The following PTGER2 variants were observed in gnomAD, a reference collection of about 807,000 sequenced individuals.
The protein encoded by PTGER2 is prostaglandin E2 receptor EP2 subtype.
PTGER2 carries 22 observed loss-of-function variants against 26.2 expected under a neutral mutation model. That is an observed-to-expected ratio of 0.84 (90% CI 0.60 to 1.20). The LOEUF (loss-of-function observed/expected upper bound fraction) is 1.20. Among genes scored for constraint, PTGER2 ranks in the 50% most tolerant of loss-of-function variants. PTGER2 has a pLI of 0.00. For synonymous variants in PTGER2, 219 were observed against 208.9 expected, an observed-to-expected ratio of 1.05 and a Z score of -0.42; for missense variants, 458 against 475.2, an observed-to-expected ratio of 0.96 and a Z score of 0.34.
At chr14:52,325,284 C>T (rs1411021754) in intron 1 of PTGER2, among the ~76,000 whole-genome samples, 2 of 152,136 alleles carry the variant, frequency 1.3e-5, no homozygotes, top group East Asian at 3.9e-4. Context: ...TTTCACTTCT[C>T]ATTATTCTGT....
At chr14:52,316,171 T>A (rs998254079) in intron 1 of PTGER2, among the ~76,000 whole-genome samples, 1 of 152,208 alleles carries the variant, frequency 6.6e-6, no homozygotes, top group Non-Finnish European at 1.5e-5. Flanking sequence ...AGCTTACAGT[T>A]ATGCACTTGA....
intron 1 of PTGER2, among the ~76,000 whole-genome samples, chr14:52,322,470 C>A (rs2033905705): frequency 6.6e-6 from 1 of 152,056 alleles, no homozygotes; most frequent in African/African-American, 2.4e-5. Flanking sequence ...AGGCAAAGGG[C>A]AAAAGCAGAA....
rs770237679 is a variant in PTGER2, at chr14:52,315,131, G to A, written c.583G>A (p.Ala195Thr). The change falls in exon 1 of 2, where the codon GCT (alanine) becomes ACT (threonine). Residue 195 changes from alanine (A) to threonine (T), a missense_variant. By Grantham distance (58) the Ala-to-Thr change is moderately conservative (BLOSUM62 0). Coordinates refer to ENST00000245457, the MANE Select transcript of PTGER2 (RefSeq NM_000956.4). ...TWCFIRHGRT[A>T]YLQLYATLLL... ...GTGCTTCATCCGGCACGGGCGGACC[G>A]CTTACCTGCAGCTGTACGCCACCCT... 2 of 1,609,470 alleles carry A rather than the reference G, an allele frequency of 1.2e-6. No homozygotes were observed. Among genetic ancestry groups the A allele is most frequent in the African/African-American group, 2.7e-5 (2 of 75,000 alleles).
intron 1 of PTGER2, among the ~76,000 whole-genome samples, chr14:52,323,433 T>C (rs917673216): frequency 2.0e-5 from 3 of 152,070 alleles, no homozygotes; most frequent in Non-Finnish European, 2.9e-5. Flanking sequence ...TTGTATTTTT[T>C]AGTAGAGATG....
chr14:52,327,407 A>T lies in PTGER2; in HGVS notation c.1030A>T (p.Thr344Ser). 1 of 1,613,536 alleles carries T rather than the reference A, an allele frequency of 6.2e-7. No homozygotes were observed. Among genetic ancestry groups the T allele is most frequent in the Non-Finnish European group, 8.5e-7 (1 of 1,179,606 alleles). The change falls in exon 2 of 2, where the codon ACT (threonine) becomes TCT (serine). Residue 344 changes from threonine (T) to serine (S), a missense_variant. Physicochemically the swap from Thr to Ser is moderately conservative, Grantham distance 58. Transcript: ENST00000245457. ...ATTAAGAACACAAGATGCAACACAA[A>T]CTTCCTGTTCTACACAGTCAGATGC... is the stretch of plus-strand genomic sequence containing the variant. ...ISLRTQDATQ[T>S]SCSTQSDASK...
chr14:52,325,511 G>A (rs1029051394), intron 1 of PTGER2, among the ~76,000 whole-genome samples: 47 of 152,224 alleles, frequency 3.1e-4, no homozygotes, highest in African/African-American at 1.4e-4. Flanking sequence ...ATGTGCACAC[G>A]TGTGTGTGCA....
rs2033960834 is a variant in PTGER2, at chr14:52,327,298, T to C, written c.921T>C (p.Asn307=). The change falls in exon 2 of 2, where the codon AAT becomes AAC. Residue 307 remains asparagine, a synonymous_variant. Coordinates refer to ENST00000245457, the MANE Select transcript of PTGER2 (RefSeq NM_000956.4). ...DLQALRFLSI[N]SIIDPWVFAI... ...AAGCTCTTAGGTTTTTATCAATTAA[T>C]TCAATAATTGACCCTTGGGTCTTTG... The C allele has an allele frequency of 1.1e-5, 17 of 1,613,728 alleles. No homozygotes were observed. The highest frequency in any genetic ancestry group is 1.3e-5 in the Non-Finnish European group (15 of 1,179,664).
intron 1 of PTGER2, among the ~76,000 whole-genome samples, chr14:52,317,353 AT>A (rs978793041): frequency 3.3e-5 from 5 of 152,046 alleles, no homozygotes; most frequent in African/African-American, 1.2e-4. Flanking sequence ...CATAAACTGT[AT>A]TTTTTTTAAA....
At chr14:52,316,683 C>G (rs913307423) in intron 1 of PTGER2, among the ~76,000 whole-genome samples, 11 of 152,176 alleles carry the variant, frequency 7.2e-5, no homozygotes, top group African/African-American at 2.7e-4. Context: ...CACAGGGTCC[C>G]AAAGGTCTGA....
chr14:52,327,607 G>A lies in PTGER2; in HGVS notation c.*153G>A, dbSNP rs2033965499. 3 of 644,984 alleles carry A rather than the reference G, an allele frequency of 4.7e-6. No homozygotes were observed. Among genetic ancestry groups the A allele is most frequent in the Non-Finnish European group, 7.8e-6 (3 of 386,684 alleles). 40.0% of individuals were successfully genotyped at this position (644,984 alleles called of 1,614,324 possible). A position where few individuals can be genotyped will look rare whatever the true frequency, so the allele number is the denominator to read the frequency against. ...TTAAGCTGTGGTCAAGGCTACAGATGTGCTGACAAGGCACTTCATGTAAAG... is the reference window on the plus strand; with the variant it reads ...TTAAGCTGTGGTCAAGGCTACAGATATGCTGACAAGGCACTTCATGTAAAG... On this transcript the variant is annotated 3_prime_UTR_variant, in exon 2 of 2. Coordinates refer to ENST00000245457, the MANE Select transcript of PTGER2 (RefSeq NM_000956.4).
At position 52,315,212 on chromosome 14, in the gene PTGER2, C is replaced by A; in HGVS notation, c.664C>A (p.Leu222Ile). 6.2e-7 allele frequency: 1 copy of A among 1,611,126 alleles called. No individual in the cohort carries two copies. The highest frequency in any genetic ancestry group is 1.1e-5 in the South Asian group (1 of 91,028). ...LACNFSVILNLIRMHRRSRRS... is the reference protein window; with the variant it reads ...LACNFSVILNIIRMHRRSRRS... Reference sequence around the variant, plus strand: ...CTGCAACTTCAGTGTCATTCTCAACCTCATCCGCATGCACCGCCGAAGCCG... The same window carrying A: ...CTGCAACTTCAGTGTCATTCTCAACATCATCCGCATGCACCGCCGAAGCCG... The change falls in exon 1 of 2, where the codon CTC (leucine) becomes ATC (isoleucine). Residue 222 changes from leucine (L) to isoleucine (I), a missense_variant. Coordinates refer to ENST00000245457, the MANE Select transcript of PTGER2 (RefSeq NM_000956.4).
rs1244466967 is a variant in PTGER2, at chr14:52,327,419, A to T, written c.1042A>T (p.Thr348Ser). 1.2e-6 allele frequency: 2 copies of T among 1,612,632 alleles called. No homozygotes were observed. The highest frequency in any genetic ancestry group is 1.7e-6 in the Non-Finnish European group (2 of 1,178,816). The change falls in exon 2 of 2, where the codon ACA becomes TCA. Residue 348 changes from threonine (T) to serine (S), a missense_variant. Coordinates refer to ENST00000245457, the MANE Select transcript of PTGER2 (RefSeq NM_000956.4). Reference protein sequence around the residue: ...TQDATQTSCSTQSDASKQADL With the variant: ...TQDATQTSCSSQSDASKQADL Reference sequence around the variant, plus strand: ...AGATGCAACACAAACTTCCTGTTCTACACAGTCAGATGCCAGTAAACAGGC... The same window carrying T: ...AGATGCAACACAAACTTCCTGTTCTTCACAGTCAGATGCCAGTAAACAGGC...
chr14:52,323,257 GT>G (rs779646572), intron 1 of PTGER2, among the ~76,000 whole-genome samples: 10 of 148,246 alleles, frequency 6.7e-5, no homozygotes, highest in Non-Finnish European at 1.2e-4. Context: ...GTGTATGTAT[GT>G]ATGTATTTAT....
chr14:52,315,274 G>C lies in PTGER2; in HGVS notation c.726G>C (p.Arg242=), dbSNP rs768122511. 8.1e-6 allele frequency: 13 copies of C among 1,611,594 alleles called. No homozygotes were observed. The South Asian group carries it at 1.2e-4, about 15-fold the overall frequency. ...SRCGPSLGSG[R]GGPGARRRGE... ...GCGGACCTTCCCTGGGCAGTGGCCGGGGCGGCCCCGGGGCCCGCAGGAGAG... is the reference window on the plus strand; with the variant it reads ...GCGGACCTTCCCTGGGCAGTGGCCGCGGCGGCCCCGGGGCCCGCAGGAGAG... Residue 242 remains arginine, a synonymous_variant, in exon 1 of 2, where the codon CGG becomes CGC. Transcript: ENST00000245457.
Position 52,325,779 on chromosome 14 carries a change from G to T in PTGER2, c.844-1442G>T, listed in dbSNP as rs141189555. ...TCCATTCCCTATGCCAAGATTCTCC[G>T]GCATAAACACCTATGGCTGCCAAAC... On this transcript the variant is annotated intron_variant, in intron 1 of 1. Coordinates refer to ENST00000245457, the MANE Select transcript of PTGER2 (RefSeq NM_000956.4). 1.8e-3 allele frequency among the ~76,000 whole-genome samples: 267 copies of T among 152,184 alleles called. 2 individuals are homozygous for T. Among genetic ancestry groups the T allele is most frequent in the African/African-American group, 5.9e-3 (246 of 41,498 alleles).
At chr14:52,323,494 C>T (rs890067826) in intron 1 of PTGER2, among the ~76,000 whole-genome samples, 2 of 152,082 alleles carry the variant, frequency 1.3e-5, no homozygotes, top group Non-Finnish European at 2.9e-5. Flanking sequence ...CCTCAGGTGA[C>T]CTGCCTGCCT....
chr14:52,327,112 C>A, intron 1 of PTGER2, 109 bp from the exon 2 acceptor site: 3 of 790,932 alleles, frequency 3.8e-6, no homozygotes, highest in Admixed American at 2.8e-5. Context: ...ACCACTACCA[C>A]AGACAAAACA....
At chr14:52,322,955 T>C (rs1001969365) in intron 1 of PTGER2, among the ~76,000 whole-genome samples, 1 of 152,194 alleles carries the variant, frequency 6.6e-6, no homozygotes, top group African/African-American at 2.4e-5. Flanking sequence ...TTCAAACACA[T>C]ATGTTTTACA....
At chr14:52,326,415 A>G (rs2033951250) in intron 1 of PTGER2, among the ~76,000 whole-genome samples, 1 of 152,220 alleles carries the variant, frequency 6.6e-6, no homozygotes, top group African/African-American at 2.4e-5. Flanking sequence ...AATAACAATG[A>G]ACACTGTGGA....
Sources: gnomAD v4.1 joint callset for allele counts (sites outside exome capture counted in the v4.1 genomes callset) on GRCh38, gnomAD v4.1.1 for gene constraint, MANE v1.5 for transcripts, NCBI Gene and HGNC (gene_info 2026-07-23, HGNC 2026-07-21) for gene names.